Variants in ORC3 observed in about 807,000 individuals in gnomAD.
The protein encoded by ORC3 is homolog of latheo, Drosophila.
Under a neutral mutation model 100.7 loss-of-function variants are expected in ORC3, and 78 were observed. The observed-to-expected ratio is 0.77, with a 90% CI of 0.65 to 0.94. ORC3 has a LOEUF of 0.94. Among genes scored for constraint, ORC3 ranks in the 40% least tolerant of loss-of-function variants. The probability of loss-of-function intolerance (pLI) is 0.00; values close to 1 mark genes in which losing one functional copy is unlikely to be tolerated. For missense variants in ORC3, 789 were observed against 823.9 expected (o/e 0.96, Z 0.52); for synonymous variants, 295 against 289.3 (o/e 1.02, Z -0.20).
intron 13 of ORC3, among the ~76,000 whole-genome samples, chr6:87,648,027 G>A (rs774068855): frequency 1.2e-4 from 19 of 152,028 alleles, no homozygotes; most frequent in Non-Finnish European, 1.3e-4. Flanking sequence ...TGGTAAAACC[G>A]CCTGTCTACT....
intron 2 of ORC3, among the ~76,000 whole-genome samples, chr6:87,599,411 AGGCTGGAGTGTAGT>A (rs1391227552): frequency 7.3e-5 from 11 of 150,762 alleles, no homozygotes; most frequent in Admixed American, 7.3e-4. Flanking sequence ...TCTGTCGCCC[AGGCTGGAGTGTAGT>A]GGCACAATTT....
rs1776647737 is a variant in ORC3 at position 87,590,183 on chromosome 6, GATGTCTAAGGT to G, written c.20_24+6del. ...TCAGTAAGACCATGGCTACGTCCTC[GATGTCTAAGGT>G]ATGTGGTGGCCGATGCGCACTGTGG... On this transcript the variant is annotated splice_donor_variant and coding_sequence_variant, in exon 1 of 20. Coordinates refer to ENST00000392844, the MANE Select transcript of ORC3 (RefSeq NM_012381.4). LOFTEE classifies it high-confidence loss of function. 1.2e-6 allele frequency: 2 copies of G among 1,613,974 alleles called. No homozygotes were observed. The highest frequency in any genetic ancestry group is 2.7e-5 in the African/African-American group (2 of 74,948).
At chr6:87,621,326 A>G (rs1368796385) in intron 9 of ORC3, 28 bp from the exon 10 acceptor site, 3 of 1,458,980 alleles carry the variant, frequency 2.1e-6, no homozygotes, top group African/African-American at 2.9e-5. Flanking sequence ...AATATAACAA[A>G]TATGTTTAAT....
At chr6:87,672,084 AGG>A (rs1562393219), downstream of ORC3, among the ~76,000 whole-genome samples, 1 of 152,202 alleles carries the variant, frequency 6.6e-6, no homozygotes, top group African/African-American at 2.4e-5. Context: ...TTGGGGGATG[AGG>A]GTAGCTATTT....
At chr6:87,664,537 A>C (rs1770448675) in intron 17 of ORC3, among the ~76,000 whole-genome samples, 1 of 152,210 alleles carries the variant, frequency 6.6e-6, no homozygotes, top group Non-Finnish European at 1.5e-5. Context: ...ATATTCTTCT[A>C]GTGACTAAGA....
intron 9 of ORC3, among the ~76,000 whole-genome samples, chr6:87,620,609 C>T (rs528376719): frequency 6.6e-6 from 1 of 152,238 alleles, no homozygotes; most frequent in South Asian, 2.1e-4. Flanking sequence ...CCTGAAAATA[C>T]CAAACTGGTC....
chr6:87,657,338 CCTAA>C (rs746553924), intron 15 of ORC3, among the ~76,000 whole-genome samples: 12 of 152,148 alleles, frequency 7.9e-5, no homozygotes, highest in South Asian at 2.1e-4. Flanking sequence ...TTTAAAAGAG[CCTAA>C]CTAATTAGTT....
rs537955073 is a variant in ORC3, at chr6:87,590,149, T to G, written c.-20T>G. 9 of 1,614,114 alleles carry G rather than the reference T, an allele frequency of 5.6e-6. No individual in the cohort carries two copies. The African/African-American group carries it at 1.1e-4, about 19-fold the overall frequency. ...CGGGAAATCCCGAGTGCATCTGGAATACGCAGAGTCAGTAAGACCATGGCT... is the reference window on the plus strand; with the variant it reads ...CGGGAAATCCCGAGTGCATCTGGAAGACGCAGAGTCAGTAAGACCATGGCT... On this transcript the variant is annotated 5_prime_UTR_variant, in exon 1 of 20. Coordinates refer to ENST00000392844, the MANE Select transcript of ORC3 (RefSeq NM_012381.4).
intron 13 of ORC3, among the ~76,000 whole-genome samples, chr6:87,647,245 CCCCCT>C (rs1323176576): frequency 4.6e-5 from 7 of 151,968 alleles, no homozygotes; most frequent in African/African-American, 1.7e-4. Flanking sequence ...ATGTGACTGC[CCCCCT>C]CCTCTCCCCA....
intron 8 of ORC3, among the ~76,000 whole-genome samples, 181 bp from the exon 9 acceptor site, chr6:87,616,133 C>G (rs1035009514): frequency 2.0e-5 from 3 of 151,818 alleles, no homozygotes; most frequent in African/African-American, 7.3e-5. Context: ...CTTTTTGTTA[C>G]TCTTGTATAA....
At position 87,665,833 on chromosome 6, in the gene ORC3, A is replaced by G; in HGVS notation, c.2030A>G (p.His677Arg). The change falls in exon 19 of 20, where the codon CAT becomes CGT. Residue 677 changes from histidine (H) to arginine (R), a missense_variant and splice_region_variant. By Grantham distance (29) the His-to-Arg change is conservative. This residue lies in a region of ORC3 where 366 missense variants were observed against 394.2 expected (regional missense o/e 0.93). Transcript: ENST00000392844. ...TCAGAAGAAATGAATGAAATTATCC[A>G]GTATCCTTTTAAAACCATTTCTACA... Reference protein sequence around the residue: ...ATSEEMNEIIHARFIRAVSEL... With the variant: ...ATSEEMNEIIRARFIRAVSEL... 1.9e-6 allele frequency: 3 copies of G among 1,588,638 alleles called. No individual in the cohort carries two copies. Among genetic ancestry groups the G allele is most frequent in the African/African-American group, 1.3e-5 (1 of 74,578 alleles).
chr6:87,597,737 A>G (rs1221592164), intron 2 of ORC3, among the ~76,000 whole-genome samples: 1 of 151,894 alleles, frequency 6.6e-6, no homozygotes, highest in East Asian at 1.9e-4. Flanking sequence ...TTTTTAAAAT[A>G]GAGATGGGAT....
Position 87,605,921 on chromosome 6 carries a change from G to T in ORC3, c.327G>T (p.Val109=), listed in dbSNP as rs145851270. The T allele has an allele frequency of 3.0e-5, 46 of 1,558,118 alleles. No homozygotes were observed. In the African/African-American group the frequency reaches 5.7e-4, roughly 19 times the overall value. The part of the protein sequence containing the change: ...EIPTAALVLG[V]NVTDHDLTFG... ...TATTGATGTATTATCTCATAGGTGTGAATGTCACAGATCATGATTTGACAT... is the reference window on the plus strand; with the variant it reads ...TATTGATGTATTATCTCATAGGTGTTAATGTCACAGATCATGATTTGACAT... The change falls in exon 5 of 20, where the codon GTG becomes GTT. Residue 109 remains valine, a synonymous_variant. Transcript: ENST00000392844.
chr6:87,660,820 ACTT>A (rs1315853788), intron 16 of ORC3, among the ~76,000 whole-genome samples: 3 of 152,350 alleles, frequency 2.0e-5, no homozygotes, highest in East Asian at 1.9e-4. Flanking sequence ...CTCATTGCTT[ACTT>A]CTTCTCACAT....
chr6:87,641,603 C>T (rs958404333), intron 13 of ORC3, among the ~76,000 whole-genome samples: 1 of 152,082 alleles, frequency 6.6e-6, no homozygotes, highest in Admixed American at 6.6e-5. Context: ...TATGAGCTTG[C>T]AAAGAAACAG....
intron 8 of ORC3, among the ~76,000 whole-genome samples, chr6:87,612,560 A>G (rs781573070): frequency 1.8e-4 from 28 of 152,142 alleles, no homozygotes; most frequent in Non-Finnish European, 3.4e-4. Context: ...ATTTTTACAG[A>G]ATTTGTAGAC....
chr6:87,596,264 G>A (rs1777432907), intron 2 of ORC3, among the ~76,000 whole-genome samples: 1 of 150,530 alleles, frequency 6.6e-6, no homozygotes, highest in Non-Finnish European at 1.5e-5. Context: ...CTCCCGAGTA[G>A]CTGGGACTAC....
downstream of ORC3, among the ~76,000 whole-genome samples, chr6:87,671,885 A>C (rs1562393152): frequency 2.0e-5 from 3 of 151,532 alleles, no homozygotes; most frequent in African/African-American, 7.3e-5. Context: ...TGCAATATGG[A>C]GACCATAGCA....
chr6:87,649,751 A>T (rs764207806), intron 13 of ORC3, among the ~76,000 whole-genome samples: 2 of 152,194 alleles, frequency 1.3e-5, no homozygotes, highest in Non-Finnish European at 2.9e-5. Flanking sequence ...CATCTCAAAT[A>T]AAAATAAAAA....
Sources: gnomAD v4.1 joint callset for allele counts (sites outside exome capture counted in the v4.1 genomes callset) on GRCh38, gnomAD v4.1.1 for gene constraint, gnomAD v4.1.1 regional missense constraint, MANE v1.5 for transcripts, NCBI Gene and HGNC (gene_info 2026-07-23, HGNC 2026-07-21) for gene names.